Variants in EPO observed in about 807,000 individuals in gnomAD.
EPO encodes the protein erythropoietin, also known as epoetin.
EPO carries 12 observed loss-of-function variants against 24.4 expected under a neutral mutation model. That is an observed-to-expected ratio of 0.49 (90% CI 0.32 to 0.80). The LOEUF is 0.80. Among genes scored for constraint, EPO ranks in the 30% least tolerant of loss-of-function variants. The pLI is 0.04. For synonymous variants in EPO, 107 were observed against 104.0 expected (o/e 1.03, Z -0.18); for missense variants, 210 against 238.0 (o/e 0.88, Z 0.77).
intron 3 of EPO, 66 bp from the exon 4 acceptor site, chr7:100,722,598 G>T: frequency 7.1e-7 from 1 of 1,405,246 alleles, no homozygotes. Flanking sequence ...GGTGCTTGGG[G>T]CTGCTGAGGG....
In EPO at chr7:100,723,427, C is replaced by T. The variant is rs886203228; in HGVS notation, c.*294C>T. The T allele has an allele frequency of 3.6e-5, 10 of 279,974 alleles. No homozygotes were observed. The highest frequency in any genetic ancestry group is 1.3e-4 in the African/African-American group (6 of 45,558). 17.3% of individuals were successfully genotyped at this position (279,974 alleles called of 1,614,324 possible). ...TGCTGGGAAGACGCCTGAGCTCACT[C>T]GGCACCCTGCAAAATTTGATGCCAG... On this transcript the variant is annotated 3_prime_UTR_variant, in exon 5 of 5. Coordinates refer to ENST00000252723, the MANE Select transcript of EPO (RefSeq NM_000799.4).
At chr7:100,722,511 AC>A (rs1416617385) in intron 3 of EPO, among the ~76,000 whole-genome samples, 152 bp from the exon 4 acceptor site, 1 of 3,980 alleles carries the variant, frequency 2.5e-4, no homozygotes, top group Non-Finnish European at 6.3e-4. Flanking sequence ...TTATTCATTC[AC>A]TCACTCACTC....
chr7:100,721,794 G>C lies in EPO; in HGVS notation c.159+91G>C. 6.5e-7 allele frequency: 1 copy of C among 1,532,384 alleles called. No individual in the cohort carries two copies. The highest frequency in any genetic ancestry group is 1.4e-5 in the African/African-American group (1 of 72,722). The allele number at this position is 1,532,384 out of a possible 1,614,324, so 94.9% of individuals were successfully genotyped here. ...ATCCAGGAACCTGGCACTTGGTTTG[G>C]GGTGGAGTTGGGAAGCTAGACACTG... On this transcript the variant is annotated intron_variant, in intron 2 of 4. Coordinates refer to ENST00000252723, the MANE Select transcript of EPO (RefSeq NM_000799.4). The surrounding 1 kb of genome is among the most constrained non-coding windows in gnomAD (Gnocchi z 4.0).
In EPO at chr7:100,722,966, T is replaced by G; in HGVS notation, c.427-12T>G. On this transcript the variant is annotated splice_polypyrimidine_tract_variant and intron_variant, in intron 4 of 4. Coordinates refer to ENST00000252723, the MANE Select transcript of EPO (RefSeq NM_000799.4). ...GTGGCACTGCAGCGACCTCCTGTTTTCTCCTTGGCAGAAGGAAGCCATCTC... is the reference window on the plus strand; with the variant it reads ...GTGGCACTGCAGCGACCTCCTGTTTGCTCCTTGGCAGAAGGAAGCCATCTC... 6.2e-7 allele frequency: 1 copy of G among 1,613,544 alleles called. No individual in the cohort carries two copies. Among genetic ancestry groups the G allele is most frequent in the Non-Finnish European group, 8.5e-7 (1 of 1,179,746 alleles).
At position 100,720,920 on chromosome 7, in the gene EPO, GC is replaced by G; in HGVS notation, c.-56del. On this transcript the variant is annotated 5_prime_UTR_variant, in exon 1 of 5. The change creates a premature stop within an existing upstream ORF in the 5' untranslated region. Transcript: ENST00000252723. ...CACCGCCGAGCTTCCCGGGATGAGG[GC>G]CCCCGGTGTGGTCACCCGGCGCGCC... 1.3e-6 allele frequency: 2 copies of G among 1,518,142 alleles called. No individual in the cohort carries two copies. Among genetic ancestry groups the G allele is most frequent in the African/African-American group, 2.8e-5 (2 of 70,620 alleles). 94.0% of individuals were successfully genotyped at this position (1,518,142 alleles called of 1,614,324 possible).
In EPO at chr7:100,722,057, C is replaced by CTTTT; in HGVS notation, c.246+21_246+24dup. On this transcript the variant is annotated intron_variant, in intron 3 of 4. Coordinates refer to ENST00000252723, the MANE Select transcript of EPO (RefSeq NM_000799.4). ...CCTGGAAGAGGATGGAGGTGAGTTC[C>CTTTT]TTTTTTTTTTTTTTTCCTTTCTTTT... 3 of 1,382,416 alleles carry CTTTT rather than the reference C, an allele frequency of 2.2e-6. No homozygotes were observed. The highest frequency in any genetic ancestry group is 2.9e-6 in the Non-Finnish European group (3 of 1,018,680). 85.6% of individuals were successfully genotyped at this position (1,382,416 alleles called of 1,614,324 possible). A position where few individuals can be genotyped will look rare whatever the true frequency, so the allele number is the denominator to read the frequency against.
At chr7:100,722,386 G>A (rs1308984012) in intron 3 of EPO, among the ~76,000 whole-genome samples, 2 of 152,048 alleles carry the variant, frequency 1.3e-5, no homozygotes, top group Non-Finnish European at 2.9e-5. Flanking sequence ...GGAATTTGAG[G>A]CTGCAGTGAG....
In EPO at chr7:100,723,103, AG is replaced by A. The variant is rs1562902091; in HGVS notation, c.556del (p.Glu186ArgfsTer35). 9 of 1,614,034 alleles carry A rather than the reference AG, an allele frequency of 5.6e-6. No individual in the cohort carries two copies. Among genetic ancestry groups the A allele is most frequent in the Non-Finnish European group, 5.9e-6 (7 of 1,180,000 alleles). On this transcript the variant is annotated frameshift_variant, in exon 5 of 5. Transcript: ENST00000252723. LOFTEE classifies it high-confidence loss of function. ...TCCGGGGAAAGCTGAAGCTGTACAC[AG>A]GGGAGGCCTGCAGGACAGGGGACAG... ...FLRGKLKLYT[G>X]EACRTGDR
intron 4 of EPO, 51 bp downstream of exon 4, chr7:100,722,894 G>A: frequency 6.2e-7 from 1 of 1,607,030 alleles, no homozygotes; most frequent in Non-Finnish European, 8.5e-7. Flanking sequence ...AAGGGGAGAA[G>A]GGTCTTGCTA....
At position 100,720,912 on chromosome 7, in the gene EPO, G is replaced by C. The variant is rs1334074584; in HGVS notation, c.-69G>C. ...TGGCCCTGCACCGCCGAGCTTCCCG[G>C]GATGAGGGCCCCCGGTGTGGTCACC... On this transcript the variant is annotated 5_prime_UTR_variant, in exon 1 of 5. Transcript: ENST00000252723. The C allele has an allele frequency of 6.6e-7, 1 of 1,506,234 alleles. No individual in the cohort carries two copies. 93.3% of individuals were successfully genotyped at this position (1,506,234 alleles called of 1,614,324 possible).
chr7:100,722,517 TC>T (rs1562901697), intron 3 of EPO, 146 bp from the exon 4 acceptor site: 37 of 602,750 alleles, frequency 6.1e-5, no homozygotes, highest in African/African-American at 1.4e-4. Flanking sequence ...ATTCACTCAC[TC>T]ACTCACTCAC....
chr7:100,722,987 A>C lies in EPO; in HGVS notation c.436A>C (p.Ile146Leu), dbSNP rs780560676. The C allele has an allele frequency of 3.1e-6, 5 of 1,613,908 alleles. No individual in the cohort carries two copies. In the South Asian group the frequency reaches 5.5e-5, roughly 18 times the overall value. The change falls in exon 5 of 5, where the codon ATC becomes CTC. Residue 146 changes from isoleucine to leucine, a missense_variant. Transcript: ENST00000252723. ...GTTTTCTCCTTGGCAGAAGGAAGCC[A>C]TCTCCCCTCCAGATGCGGCCTCAGC... The part of the protein sequence containing the change: ...LRALGAQKEA[I>L]SPPDAASAAP...
rs186851237 is a variant in EPO at position 100,722,161 on chromosome 7, G to A, written c.246+113G>A. The A allele has an allele frequency of 1.4e-4, 142 of 986,608 alleles. No individual in the cohort carries two copies. The East Asian group carries it at 3.7e-3, about 26-fold the overall frequency. 61.1% of individuals were successfully genotyped at this position (986,608 alleles called of 1,614,324 possible). A position where few individuals can be genotyped will look rare whatever the true frequency, so the allele number is the denominator to read the frequency against. ...AAAGGTAAAATGGAGCAGCAGAGAT[G>A]AGGCTGCCTGGGCGCAGAGGCTCAC... On this transcript the variant is annotated intron_variant, in intron 3 of 4. Coordinates refer to ENST00000252723, the MANE Select transcript of EPO (RefSeq NM_000799.4).
intron 3 of EPO, among the ~76,000 whole-genome samples, 148 bp from the exon 4 acceptor site, chr7:100,722,508 TTCACTCAC>T (rs10550542): frequency 9.4e-4 from 142 of 151,406 alleles, no homozygotes; most frequent in Non-Finnish European, 1.5e-3. Context: ...TCATTATTCA[TTCACTCAC>T]TCACTCACTC....
rs1806782390 is a variant in EPO at position 100,723,352 on chromosome 7, C to G, written c.*219C>G. ...GATGTCACAGGGCCAACTTGAGGGCCCAGAGCAGGAAGCATTCAGAGAGCA... is the reference window on the plus strand; with the variant it reads ...GATGTCACAGGGCCAACTTGAGGGCGCAGAGCAGGAAGCATTCAGAGAGCA... On this transcript the variant is annotated 3_prime_UTR_variant, in exon 5 of 5. Coordinates refer to ENST00000252723, the MANE Select transcript of EPO (RefSeq NM_000799.4). 3 of 541,856 alleles carry G rather than the reference C, an allele frequency of 5.5e-6. No homozygotes were observed. The Admixed American group carries it at 1.0e-4, about 19-fold the overall frequency. The allele number at this position is 541,856 out of a possible 1,614,324, so 33.6% of individuals were successfully genotyped here. A position where few individuals can be genotyped will look rare whatever the true frequency, so the allele number is the denominator to read the frequency against.
rs557391866 is a variant in EPO, at chr7:100,721,284, C to A, written c.14-274C>A. ...GAGAGGAAGCTGATAAGCTGATAAC[C>A]TGGGCGCTGGAGCCACCACTTATCT... On this transcript the variant is annotated intron_variant, in intron 1 of 4. Transcript: ENST00000252723. The surrounding 1 kb of genome is among the most constrained non-coding windows in gnomAD (Gnocchi z 4.0). 6.6e-6 allele frequency among the ~76,000 whole-genome samples: 1 copy of A among 152,250 alleles called. No individual in the cohort carries two copies. The highest frequency in any genetic ancestry group is 1.5e-5 in the Non-Finnish European group (1 of 68,014).
rs566438241 is a variant in EPO at position 100,721,150 on chromosome 7, C to T, written c.13+157C>T. Among the ~76,000 whole-genome samples the T allele has an allele frequency of 1.7e-3, 259 of 152,214 alleles. 1 individual carries two copies. Among genetic ancestry groups the T allele is most frequent in the Middle Eastern group, 6.8e-3 (2 of 294 alleles). On this transcript the variant is annotated intron_variant, in intron 1 of 4. Transcript: ENST00000252723. The surrounding 1 kb of genome is among the most constrained non-coding windows in gnomAD (Gnocchi z 4.0). ...AGGGGGGTGGGGCAGCCTCCACGTG[C>T]CAGCGGGGACTTGGGGGAGTCCTTG... is the stretch of plus-strand genomic sequence containing the variant.
intron 3 of EPO, 99 bp downstream of exon 3, chr7:100,722,147 G>C: frequency 8.5e-7 from 1 of 1,171,320 alleles, no homozygotes; most frequent in Admixed American, 2.6e-5. Flanking sequence ...AAGGTAAAAT[G>C]GAGCAGCAGA....
In EPO at chr7:100,723,129, G is replaced by A. The variant is rs975595321; in HGVS notation, c.578G>A (p.Arg193Lys). 6.2e-7 allele frequency: 1 copy of A among 1,613,698 alleles called. No individual in the cohort carries two copies. Among genetic ancestry groups the A allele is most frequent in the Middle Eastern group, 1.7e-4 (1 of 6,060 alleles). ...GGGGAGGCCTGCAGGACAGGGGACA[G>A]ATGACCAGGTGTGTCCACCTGGGCA... ...YTGEACRTGD[R>K] Residue 193 changes from arginine to lysine, a missense_variant, in exon 5 of 5, where the codon AGA (arginine) becomes AAA (lysine). Arg to Lys is a conservative substitution (Grantham distance 26). Transcript: ENST00000252723.
Sources: allele counts gnomAD v4.1 joint callset (sites outside exome capture counted in the v4.1 genomes callset), GRCh38; gene constraint gnomAD v4.1.1; non-coding constraint Gnocchi (gnomAD v3.1); transcripts MANE v1.5; gene names NCBI Gene and HGNC (gene_info 2026-07-23, HGNC 2026-07-21).